The following HEATR5A variants were observed in gnomAD, a reference collection of about 807,000 sequenced individuals.
HEATR5A encodes the protein HEAT repeat containing 5A.
Under a neutral mutation model 218.8 loss-of-function variants are expected in HEATR5A, and 178 were observed. The observed-to-expected ratio is 0.81, with a 90% CI of 0.72 to 0.92. The LOEUF is 0.92. HEATR5A is among the 40% of genes least tolerant of loss of function. The pLI is 0.00. For synonymous variants in HEATR5A, 864 were observed against 871.6 expected, an observed-to-expected ratio of 0.99 and a Z score of 0.15; for missense variants, 2,420 against 2,418.9, an observed-to-expected ratio of 1.00 and a Z score of -0.01.
At chr14:31,328,068 C>A (rs1435471720) in intron 22 of HEATR5A, among the ~76,000 whole-genome samples, 2 of 152,132 alleles carry the variant, frequency 1.3e-5, no homozygotes, top group African/African-American at 4.8e-5. Flanking sequence ...CCTGCCTCAG[C>A]CTCTCCAGTA....
chr14:31,391,532 T>C (rs758450208), intron 6 of HEATR5A, among the ~76,000 whole-genome samples: 31 of 150,766 alleles, frequency 2.1e-4, no homozygotes, highest in Non-Finnish European at 4.0e-4. Context: ...CAAAGGCTAA[T>C]TTATTATTAA....
intron 1 of HEATR5A, among the ~76,000 whole-genome samples, chr14:31,405,069 A>AAAG (rs1488190508): frequency 6.6e-6 from 1 of 151,242 alleles, no homozygotes; most frequent in East Asian, 1.9e-4. Flanking sequence ...CAAAAAAAAA[A>AAAG]AAAAAAAAAG....
intron 11 of HEATR5A, among the ~76,000 whole-genome samples, chr14:31,379,868 G>A (rs2029913838): frequency 1.3e-5 from 2 of 152,130 alleles, no homozygotes; most frequent in South Asian, 2.1e-4. Context: ...TTAGGTAGGA[G>A]GATCACTTGG....
At chr14:31,368,516 A>G (rs894160424) in intron 13 of HEATR5A, among the ~76,000 whole-genome samples, 3 of 152,160 alleles carry the variant, frequency 2.0e-5, no homozygotes, top group Non-Finnish European at 4.4e-5. Flanking sequence ...ATAAGAAAAT[A>G]TAACTTTGCA....
chr14:31,365,261 T>G (rs1901760462), intron 13 of HEATR5A, among the ~76,000 whole-genome samples: 1 of 152,208 alleles, frequency 6.6e-6, no homozygotes, highest in Admixed American at 6.5e-5. Context: ...TTACTTTTAT[T>G]ATGTCACTAG....
rs1899566905 is a variant in HEATR5A at position 31,306,726 on chromosome 14, A to G, written c.4966+6T>C. ...GATCAACTCGGCATTAAAGGTTAAC[A>G]TTTACCTTCTGCACTTCGTCTTTTT... is the stretch of plus-strand genomic sequence containing the variant. On this transcript the variant is annotated splice_donor_region_variant and intron_variant, in intron 31 of 35. Transcript: ENST00000543095. The G allele has an allele frequency of 3.7e-6, 6 of 1,605,842 alleles. No individual in the cohort carries two copies. The highest frequency in any genetic ancestry group is 4.3e-6 in the Non-Finnish European group (5 of 1,175,134).
intron 33 of HEATR5A, among the ~76,000 whole-genome samples, chr14:31,298,135 G>T (rs1899251050): frequency 6.6e-6 from 1 of 152,090 alleles, no homozygotes; most frequent in African/African-American, 2.4e-5. Flanking sequence ...TCTAGCTGCA[G>T]CCCTGGCCAA....
Position 31,355,205 on chromosome 14 carries a change from GGA to G in HEATR5A, c.2411+3430_2411+3431del, listed in dbSNP as rs1407591199. Among the ~76,000 whole-genome samples, 60 of 5,726 alleles carry G rather than the reference GGA, an allele frequency of 0.01. No individual in the cohort carries two copies. In the Non-Finnish European group the frequency reaches 0.12, roughly 12 times the overall value. 3.8% of individuals were successfully genotyped at this position (5,726 alleles called of 152,430 possible). Reference sequence around the variant, plus strand: ...GACGGGGGCAGATCACCTGAGGTCAGGAGTTCAAGAACAGCCTGGCCAACATG... The same window carrying G: ...GACGGGGGCAGATCACCTGAGGTCAGGTTCAAGAACAGCCTGGCCAACATG... On this transcript the variant is annotated intron_variant, in intron 16 of 35. Coordinates refer to ENST00000543095, the MANE Select transcript of HEATR5A (RefSeq NM_015473.4).
intron 11 of HEATR5A, 138 bp downstream of exon 11, chr14:31,380,329 C>T (rs2029930325): frequency 3.4e-6 from 2 of 583,510 alleles, no homozygotes; most frequent in Admixed American, 3.0e-5. Context: ...AAGGTGACTA[C>T]TACAAGAAAA....
At chr14:31,368,104 C>T (rs557443540) in intron 13 of HEATR5A, among the ~76,000 whole-genome samples, 4 of 152,202 alleles carry the variant, frequency 2.6e-5, no homozygotes, top group South Asian at 4.1e-4. Flanking sequence ...GTGTTCAGGT[C>T]GTGAAGGCAA....
chr14:31,375,092 T>G lies in HEATR5A; in HGVS notation c.1709-124A>C. On this transcript the variant is annotated intron_variant, in intron 11 of 35. Coordinates refer to ENST00000543095, the MANE Select transcript of HEATR5A (RefSeq NM_015473.4). ...TCATTATTGCAACATTTTGTCCCCT[T>G]TCTTATCTTCAGGTTCCAAATTATT... 3.8e-6 allele frequency: 3 copies of G among 788,226 alleles called. No homozygotes were observed. The Middle Eastern group carries it at 1.1e-3, about 280-fold the overall frequency. The allele number at this position is 788,226 out of a possible 1,614,324, so 48.8% of individuals were successfully genotyped here.
intron 34 of HEATR5A, among the ~76,000 whole-genome samples, chr14:31,294,428 C>CTTT: frequency 1.8e-5 from 1 of 56,106 alleles, no homozygotes; most frequent in African/African-American, 5.7e-5. Flanking sequence ...CCTCCTGTAA[C>CTTT]ATTTTTTTTT....
At chr14:31,343,195 C>A (rs372801712) in intron 21 of HEATR5A, among the ~76,000 whole-genome samples, 1 of 151,950 alleles carries the variant, frequency 6.6e-6, no homozygotes, top group East Asian at 1.9e-4. Context: ...CGGGTTCAAG[C>A]GATTCTCCTG....
intron 16 of HEATR5A, among the ~76,000 whole-genome samples, chr14:31,351,801 G>T (rs1481924858): frequency 1.3e-5 from 2 of 150,678 alleles, no homozygotes; most frequent in African/African-American, 2.4e-5. Context: ...TTTTAAAAGA[G>T]ATGATATCTC....
intron 33 of HEATR5A, among the ~76,000 whole-genome samples, chr14:31,300,123 A>C (rs1595074173): frequency 6.6e-6 from 1 of 152,192 alleles, no homozygotes; most frequent in East Asian, 1.9e-4. Flanking sequence ...ATCTGGCCCC[A>C]TGTACCATCC....
At chr14:31,338,303 A>G (rs1463204994) in intron 21 of HEATR5A, among the ~76,000 whole-genome samples, 1 of 152,240 alleles carries the variant, frequency 6.6e-6, no homozygotes, top group Non-Finnish European at 1.5e-5. Context: ...TAATATTTTA[A>G]TCAGACAACA....
intron 22 of HEATR5A, among the ~76,000 whole-genome samples, chr14:31,330,844 T>G (rs1900442172): frequency 6.6e-6 from 1 of 151,784 alleles, no homozygotes; most frequent in Admixed American, 6.6e-5. Flanking sequence ...ATTTCTGCAG[T>G]GCGCTTGAAT....
intron 22 of HEATR5A, among the ~76,000 whole-genome samples, chr14:31,335,083 G>T (rs1331099853): frequency 6.6e-6 from 1 of 152,046 alleles, no homozygotes; most frequent in African/African-American, 2.4e-5. Context: ...ACTCACTGAA[G>T]GCTCAGATGA....
chr14:31,374,632 T>C (rs78529210), intron 12 of HEATR5A, among the ~76,000 whole-genome samples, 184 bp downstream of exon 12: 248 of 152,312 alleles, frequency 1.6e-3, no homozygotes, highest in South Asian at 9.3e-3. Context: ...TCTGGTTTAT[T>C]ATAACATACA....
Sources: allele counts gnomAD v4.1 joint callset (sites outside exome capture counted in the v4.1 genomes callset), GRCh38; gene constraint gnomAD v4.1.1; transcripts MANE v1.5; gene names NCBI Gene and HGNC (gene_info 2026-07-23, HGNC 2026-07-21).